Variants in EXOC4 observed in about 807,000 individuals in gnomAD.
EXOC4 encodes the protein SEC8-like 1.
In EXOC4, 71 loss-of-function variants were observed where a neutral mutation model predicts 107.2. The ratio of observed to expected loss-of-function variants is 0.66; its 90% confidence interval spans 0.55 to 0.81. The LOEUF (loss-of-function observed/expected upper bound fraction) is 0.81, where lower values mean the gene tolerates loss of function less well. EXOC4 is among the 30% of genes least tolerant of loss of function. EXOC4 has a pLI of 0.00. For synonymous variants in EXOC4, 456 were observed against 441.2 expected (o/e 1.03, Z -0.42); for missense variants, 1,108 against 1,189.6 (o/e 0.93, Z 1.01).
intron 5 of EXOC4, among the ~76,000 whole-genome samples, chr7:133,326,984 C>T (rs969855516): frequency 1.3e-5 from 2 of 152,190 alleles, no homozygotes; most frequent in Admixed American, 1.3e-4. Flanking sequence ...AGTGAGGCTC[C>T]ATGGGCGTGG....
chr7:133,303,427 C>T (rs992146047), intron 3 of EXOC4, among the ~76,000 whole-genome samples: 1 of 152,004 alleles, frequency 6.6e-6, no homozygotes, highest in African/African-American at 2.4e-5. Context: ...CGGCAAGACT[C>T]CATCTCAAAA....
At chr7:133,521,560 G>GGAA (rs1584974937) in intron 9 of EXOC4, among the ~76,000 whole-genome samples, 2 of 151,906 alleles carry the variant, frequency 1.3e-5, no homozygotes, top group East Asian at 3.9e-4. Flanking sequence ...CATTCCCAGA[G>GGAA]CAAAATATAC....
At chr7:133,389,587 A>G (rs1460110043) in intron 7 of EXOC4, among the ~76,000 whole-genome samples, 1 of 43,646 alleles carries the variant, frequency 2.3e-5, no homozygotes, top group African/African-American at 8.2e-5. Context: ...AAAAAAAAAA[A>G]AAAAAAAAGA....
At chr7:133,918,929 T>G (rs757950479) in intron 13 of EXOC4, among the ~76,000 whole-genome samples, 17 of 151,494 alleles carry the variant, frequency 1.1e-4, no homozygotes, top group Non-Finnish European at 1.5e-4. Context: ...ATCACAGAAC[T>G]GTGTTCTTAT....
chr7:134,063,062 G>A (rs886387218), intron 17 of EXOC4, among the ~76,000 whole-genome samples: 20 of 152,134 alleles, frequency 1.3e-4, no homozygotes, highest in African/African-American at 4.6e-4. Flanking sequence ...CTGCTCTCTG[G>A]AAGAAGGAAG....
chr7:133,377,943 A>G (rs534016313), intron 7 of EXOC4, among the ~76,000 whole-genome samples: 8 of 152,314 alleles, frequency 5.3e-5, no homozygotes, highest in Admixed American at 4.6e-4. Flanking sequence ...ATGAAGCTGA[A>G]ATAGAGACAT....
At chr7:133,767,350 C>T (rs1796159906) in intron 10 of EXOC4, among the ~76,000 whole-genome samples, 1 of 151,786 alleles carries the variant, frequency 6.6e-6, no homozygotes, top group Non-Finnish European at 1.5e-5. Flanking sequence ...ATGATGACAG[C>T]CATCTAGGGC....
intron 12 of EXOC4, among the ~76,000 whole-genome samples, chr7:133,906,564 AACGG>A (rs1799570373): frequency 6.6e-6 from 1 of 152,236 alleles, no homozygotes; most frequent in South Asian, 2.1e-4. Context: ...TCGAGCCGGC[AACGG>A]CTACCCTCTT....
intron 10 of EXOC4, among the ~76,000 whole-genome samples, chr7:133,685,490 C>T (rs1794277647): frequency 6.6e-6 from 1 of 152,106 alleles, no homozygotes; most frequent in Admixed American, 6.6e-5. Flanking sequence ...ATAAATTACC[C>T]AATCTTGGGC....
intron 10 of EXOC4, among the ~76,000 whole-genome samples, chr7:133,635,776 C>T (rs1364186364): frequency 6.6e-6 from 1 of 152,148 alleles, no homozygotes; most frequent in Non-Finnish European, 1.5e-5. Context: ...CCCAAGGAAA[C>T]CTTCCGAGTC....
At chr7:133,320,333 A>T (rs1203335830) in intron 5 of EXOC4, among the ~76,000 whole-genome samples, 1 of 152,124 alleles carries the variant, frequency 6.6e-6, no homozygotes, top group African/African-American at 2.4e-5. Flanking sequence ...CTAGGGGAAA[A>T]TCTGTTTTCT....
At chr7:133,875,712 A>G (rs1798834067) in intron 11 of EXOC4, among the ~76,000 whole-genome samples, 1 of 152,050 alleles carries the variant, frequency 6.6e-6, no homozygotes, top group African/African-American at 2.4e-5. Flanking sequence ...TTCCTGTACC[A>G]CACACTACCT....
intron 9 of EXOC4, among the ~76,000 whole-genome samples, chr7:133,573,698 G>A (rs953163285): frequency 6.6e-6 from 1 of 151,580 alleles, no homozygotes; most frequent in African/African-American, 2.4e-5. Flanking sequence ...TCCAGGCTCT[G>A]TTGTGCAGTG....
Position 133,584,729 on chromosome 7 carries a change from C to G in EXOC4, c.1418-45316C>G, listed in dbSNP as rs182901588. Among the ~76,000 whole-genome samples, 395 of 152,124 alleles carry G rather than the reference C, an allele frequency of 2.6e-3. 2 individuals carry two copies. The highest frequency in any genetic ancestry group is 4.5e-3 in the Non-Finnish European group (304 of 67,998). On this transcript the variant is annotated intron_variant, in intron 9 of 17. Coordinates refer to ENST00000253861, the MANE Select transcript of EXOC4 (RefSeq NM_021807.4). ...GAGTGGCTGGGATTACAGATACGCT[C>G]TATCACACCCAGCTAATTTTTGTAT...
At chr7:133,552,453 G>A (rs1800608853) in intron 9 of EXOC4, among the ~76,000 whole-genome samples, 1 of 152,156 alleles carries the variant, frequency 6.6e-6, no homozygotes, top group African/African-American at 2.4e-5. Context: ...TTAACTGCAG[G>A]TGTTTTATTA....
chr7:133,872,128 G>T (rs1798763528), intron 11 of EXOC4, among the ~76,000 whole-genome samples: 1 of 151,924 alleles, frequency 6.6e-6, no homozygotes, highest in Admixed American at 6.6e-5. Flanking sequence ...GAGGAAAGGT[G>T]GGGATCAGGA....
chr7:133,608,544 T>TTC, intron 9 of EXOC4, among the ~76,000 whole-genome samples: 1 of 144,360 alleles, frequency 6.9e-6, no homozygotes, highest in South Asian at 2.2e-4. Context: ...TATGCTGTAT[T>TTC]TCTTTTTTTT....
chr7:133,359,613 G>A (rs2150664102), intron 6 of EXOC4, among the ~76,000 whole-genome samples: 1 of 152,202 alleles, frequency 6.6e-6, no homozygotes, highest in Admixed American at 6.5e-5. Flanking sequence ...GTTATTCTGA[G>A]ACAAGATACC....
At chr7:133,590,423 A>G (rs1801514416) in intron 9 of EXOC4, among the ~76,000 whole-genome samples, 3 of 152,068 alleles carry the variant, frequency 2.0e-5, no homozygotes, top group Admixed American at 1.3e-4. Context: ...GTCCCTGGCA[A>G]AGGCTCCACC....
Sources: allele counts gnomAD v4.1 joint callset (sites outside exome capture counted in the v4.1 genomes callset), GRCh38; gene constraint gnomAD v4.1.1; transcripts MANE v1.5; gene names NCBI Gene and HGNC (gene_info 2026-07-23, HGNC 2026-07-21).